Variants in HDAC9 observed in about 807,000 individuals in gnomAD.
HDAC9 encodes the protein MEF-2 interacting transcription repressor (MITR) protein.
A neutral mutation model predicts 139.4 loss-of-function variants in HDAC9; 41 were observed. That is an observed-to-expected ratio of 0.29 (90% confidence interval 0.23 to 0.38). HDAC9 has a LOEUF of 0.38. Ranked by LOEUF, HDAC9 falls within the 10% of genes least tolerant of loss-of-function variation. The pLI, the probability that HDAC9 is intolerant of heterozygous loss-of-function variation, is 1.00. For synonymous variants in HDAC9, 517 were observed against 476.2 expected (o/e 1.09, Z -1.12); for missense variants, 1,147 against 1,297.0 (o/e 0.88, Z 1.78).
At chr7:18,775,378 G>A (rs1187195762) in intron 16 of HDAC9, among the ~76,000 whole-genome samples, 2 of 152,026 alleles carry the variant, frequency 1.3e-5, no homozygotes, top group African/African-American at 2.4e-5. Flanking sequence ...TATCTGAAAA[G>A]TGTAATAAAG....
intron 9 of HDAC9, 46 bp from the exon 10 acceptor site, chr7:18,647,739 C>T: frequency 6.7e-7 from 1 of 1,483,632 alleles, no homozygotes; most frequent in Non-Finnish European, 9.1e-7. Flanking sequence ...CCCAGTGACC[C>T]ACATGGATGA....
At chr7:18,549,398 TCA>T (rs1039737826) in intron 2 of HDAC9, among the ~76,000 whole-genome samples, 16 of 152,294 alleles carry the variant, frequency 1.1e-4, no homozygotes, top group Admixed American at 9.8e-4. Flanking sequence ...CAATAAACAT[TCA>T]CAGTGTCCCT....
rs192969021 is a variant in HDAC9 at position 18,488,590 on chromosome 7, G to A, written c.-41-7672G>A. ...AAATGGTGTATTCAGTGAAATTCATGAGTTAAAGATAGAGCATGAAGACAT... is the reference window on the plus strand; with the variant it reads ...AAATGGTGTATTCAGTGAAATTCATAAGTTAAAGATAGAGCATGAAGACAT... On this transcript the variant is annotated intron_variant, in intron 1 of 3. Transcript: ENST00000413509. Among the ~76,000 whole-genome samples, 56 of 152,096 alleles carry A rather than the reference G, an allele frequency of 3.7e-4. 1 individual carries two copies. Among genetic ancestry groups the A allele is most frequent in the Admixed American group, 3.5e-3 (53 of 15,248 alleles).
intron 25 of HDAC9, among the ~76,000 whole-genome samples, chr7:18,980,792 C>T (rs1362357440): frequency 6.3e-5 from 9 of 142,254 alleles, no homozygotes; most frequent in Non-Finnish European, 1.2e-4. Context: ...TCTTCTTCTT[C>T]CTTCTTCCTT....
chr7:18,702,174 C>T (rs1584874166), intron 12 of HDAC9, among the ~76,000 whole-genome samples: 3 of 152,254 alleles, frequency 2.0e-5, no homozygotes, highest in Middle Eastern at 3.4e-3. Context: ...TGTGCCAGAC[C>T]CATCTTTCTA....
At chr7:18,573,955 T>G (rs1402920713) in intron 2 of HDAC9, among the ~76,000 whole-genome samples, 1 of 152,220 alleles carries the variant, frequency 6.6e-6, no homozygotes. Flanking sequence ...GTTTCAGCCC[T>G]GTTCGTGTTA....
At chr7:18,558,094 A>G (rs1819440524) in intron 2 of HDAC9, among the ~76,000 whole-genome samples, 1 of 152,172 alleles carries the variant, frequency 6.6e-6, no homozygotes, top group Admixed American at 6.5e-5. Context: ...AGACAGGGCT[A>G]ATAAACCAGT....
chr7:18,926,571 G>A (rs1383113922), intron 22 of HDAC9, among the ~76,000 whole-genome samples: 1 of 152,064 alleles, frequency 6.6e-6, no homozygotes, highest in Non-Finnish European at 1.5e-5. Flanking sequence ...TAAAACTGTG[G>A]CACAGAGTAG....
chr7:18,842,747 G>A (rs1247949019), intron 21 of HDAC9, among the ~76,000 whole-genome samples: 1 of 152,102 alleles, frequency 6.6e-6, no homozygotes, highest in Non-Finnish European at 1.5e-5. Context: ...ATTTCTAGGT[G>A]TGTGTCTCTA....
chr7:18,501,758 A>AT (rs1237056123), intron 2 of HDAC9, among the ~76,000 whole-genome samples: 5 of 152,058 alleles, frequency 3.3e-5, no homozygotes, highest in Admixed American at 6.6e-5. Flanking sequence ...ACAGTGTATG[A>AT]TTTTTTATAA....
At chr7:18,450,049 C>G (rs555904022) in intron 1 of HDAC9, among the ~76,000 whole-genome samples, 1 of 152,152 alleles carries the variant, frequency 6.6e-6, no homozygotes, top group East Asian at 1.9e-4. Flanking sequence ...CATGCTACCT[C>G]TATTAAATAT....
chr7:18,720,862 A>G (rs1785094932), intron 12 of HDAC9, among the ~76,000 whole-genome samples: 1 of 151,948 alleles, frequency 6.6e-6, no homozygotes, highest in Non-Finnish European at 1.5e-5. Flanking sequence ...TTAATTTTTT[A>G]TAGAGATAGG....
At chr7:18,418,879 A>G (rs978889312) in intron 1 of HDAC9, among the ~76,000 whole-genome samples, 9 of 152,168 alleles carry the variant, frequency 5.9e-5, no homozygotes, top group African/African-American at 1.9e-4. Context: ...AACTGTTTGT[A>G]TACGCTCAAA....
intron 2 of HDAC9, among the ~76,000 whole-genome samples, chr7:18,560,741 G>A (rs542104553): frequency 2.0e-5 from 3 of 152,266 alleles, no homozygotes; most frequent in East Asian, 1.9e-4. Flanking sequence ...TAGAGGGAAC[G>A]TGGACAGAGG....
intron 1 of HDAC9, among the ~76,000 whole-genome samples, chr7:18,464,872 G>T (rs1421291440): frequency 2.0e-5 from 3 of 151,936 alleles, no homozygotes; most frequent in Non-Finnish European, 4.4e-5. Flanking sequence ...TCAAACCTTT[G>T]TTTAGCCTCT....
At chr7:18,971,510 T>C (rs1236160349) in intron 24 of HDAC9, among the ~76,000 whole-genome samples, 1 of 152,194 alleles carries the variant, frequency 6.6e-6, no homozygotes. Flanking sequence ...TTCTTGCACA[T>C]CTGTTTCTGT....
At chr7:18,599,827 G>A (rs142943226) in intron 6 of HDAC9, among the ~76,000 whole-genome samples, 11 of 152,022 alleles carry the variant, frequency 7.2e-5, no homozygotes, top group Non-Finnish European at 1.5e-4. Flanking sequence ...TGGATCATGT[G>A]GTAAGACTTG....
At chr7:18,980,738 T>TC (rs138113545) in intron 25 of HDAC9, among the ~76,000 whole-genome samples, 52,780 of 107,026 alleles carry the variant, frequency 0.49, 10,422 homozygotes, top group East Asian at 0.63. Context: ...TTCTTCTTCT[T>TC]CTTCTTCCTT....
chr7:18,096,052 C>T (rs2128064413), intron 1 of HDAC9, among the ~76,000 whole-genome samples: 1 of 152,256 alleles, frequency 6.6e-6, no homozygotes, highest in South Asian at 2.1e-4. Flanking sequence ...TGAGGTATCA[C>T]CTGAGATCTC....
Sources: allele counts gnomAD v4.1 joint callset (sites outside exome capture counted in the v4.1 genomes callset), GRCh38; gene constraint gnomAD v4.1.1; transcripts MANE v1.5; gene names NCBI Gene and HGNC (gene_info 2026-07-23, HGNC 2026-07-21).